Variants in COL7A1 observed in about 807,000 individuals in gnomAD.
COL7A1 encodes collagen type VII alpha 1 chain.
Under a neutral mutation model 456.2 loss-of-function variants are expected in COL7A1, and 296 were observed. The ratio of observed to expected loss-of-function variants is 0.65; its 90% CI spans 0.59 to 0.71. COL7A1 has a LOEUF of 0.71. Among genes scored for constraint, COL7A1 ranks in the 30% least tolerant of loss-of-function variants. The pLI, the probability that COL7A1 is intolerant of heterozygous loss-of-function variation, is 0.00. For synonymous variants in COL7A1, 1,464 were observed against 1,525.9 expected (o/e 0.96, Z 0.95); for missense variants, 3,441 against 4,017.2 (o/e 0.86, Z 3.88).
Position 48,587,457 on chromosome 3 carries a change from G to A in COL7A1, c.2955C>T (p.Tyr985=). Residue 985 remains tyrosine (Y), a synonymous_variant, in exon 23 of 119, where the codon TAC becomes TAT. Coordinates refer to ENST00000681320, the MANE Select transcript of COL7A1 (RefSeq NM_000094.4). The surrounding 1 kb of genome is among the most constrained non-coding windows in gnomAD (Gnocchi z 6.1). Reference sequence around the variant, plus strand: ...CTCTGAGTGGCCGCCAGGATAGGATGTAGCTGGATGCCCTGGACACTGGAG... The same window carrying A: ...CTCTGAGTGGCCGCCAGGATAGGATATAGCTGGATGCCCTGGACACTGGAG... The part of the protein sequence containing the change: ...AWTPVSRASS[Y]ILSWRPLRGP... The A allele has an allele frequency of 6.2e-7, 1 of 1,613,334 alleles. No individual in the cohort carries two copies. Among genetic ancestry groups the A allele is most frequent in the Non-Finnish European group, 8.5e-7 (1 of 1,180,032 alleles).
rs2043610550 is a variant in COL7A1, at chr3:48,566,474, C to A, written c.8358+36G>T. 1.2e-6 allele frequency: 2 copies of A among 1,613,150 alleles called. No individual in the cohort carries two copies. Among genetic ancestry groups the A allele is most frequent in the South Asian group, 2.2e-5 (2 of 91,064 alleles). On this transcript the variant is annotated intron_variant, in intron 113 of 118. Transcript: ENST00000681320. This position sits in a 1 kb window ranked among gnomAD's most constrained non-coding sequence, Gnocchi z 5.9. ...AGGGCCCCAGCCCACCCAGGCCCAC[C>A]CAGGCCCTCCCAGGCCCATCCAGGC... is the stretch of plus-strand genomic sequence containing the variant.
rs777547951 is a variant in COL7A1, at chr3:48,585,714, C to T, written c.3807G>A (p.Gly1269=). 11 of 1,613,882 alleles carry T rather than the reference C, an allele frequency of 6.8e-6. No individual in the cohort carries two copies. Among genetic ancestry groups the T allele is most frequent in the African/African-American group, 5.3e-5 (4 of 74,906 alleles). The change falls in exon 31 of 119, where the codon GGG becomes GGA. Residue 1269 remains glycine, a synonymous_variant. Coordinates refer to ENST00000681320, the MANE Select transcript of COL7A1 (RefSeq NM_000094.4). This position sits in a 1 kb window ranked among gnomAD's most constrained non-coding sequence, Gnocchi z 4.5. ...PGEMGLRGQV[G]PPGDPGLPGR... ...CCGGGAGGCCAGGGTCGCCAGGAGG[C>T]CCAACTTGTCCTCTCAGGCCCTAGG... is the stretch of plus-strand genomic sequence containing the variant.
In COL7A1 at chr3:48,564,330, A is replaced by G; in HGVS notation, c.*76T>C. 6.4e-7 allele frequency: 1 copy of G among 1,554,952 alleles called. No homozygotes were observed. Among genetic ancestry groups the G allele is most frequent in the Non-Finnish European group, 8.9e-7 (1 of 1,126,940 alleles). On this transcript the variant is annotated 3_prime_UTR_variant, in exon 119 of 119. Coordinates refer to ENST00000681320, the MANE Select transcript of COL7A1 (RefSeq NM_000094.4). This position sits in a 1 kb window ranked among gnomAD's most constrained non-coding sequence, Gnocchi z 6.0. ...ACGTGCACACAAGCCTCTAGCACCA[A>G]GGGGAGGGACAGTGGGGTTCTGCTG...
rs374756079 is a variant in COL7A1, at chr3:48,572,987, C to A, written c.6750+34G>T. On this transcript the variant is annotated intron_variant, in intron 86 of 118. Coordinates refer to ENST00000681320, the MANE Select transcript of COL7A1 (RefSeq NM_000094.4). The surrounding 1 kb of genome is among the most constrained non-coding windows in gnomAD (Gnocchi z 4.6). Reference sequence around the variant, plus strand: ...TCAGGGCTGCCTGTCGACCCTTGACCCCTGGAGCCCAACCCTTGACCCCCA... The same window carrying A: ...TCAGGGCTGCCTGTCGACCCTTGACACCTGGAGCCCAACCCTTGACCCCCA... The A allele has an allele frequency of 6.2e-7, 1 of 1,614,046 alleles. No homozygotes were observed. The highest frequency in any genetic ancestry group is 8.5e-7 in the Non-Finnish European group (1 of 1,180,018).
chr3:48,591,680 A>G lies in COL7A1; in HGVS notation c.1500T>C (p.Val500=), dbSNP rs760732148. 4.3e-6 allele frequency: 7 copies of G among 1,613,960 alleles called. No individual in the cohort carries two copies. The highest frequency in any genetic ancestry group is 5.9e-6 in the Non-Finnish European group (7 of 1,180,018). The change falls in exon 12 of 119, where the codon GTT becomes GTC. Residue 500 remains valine (V), a synonymous_variant. Coordinates refer to ENST00000681320, the MANE Select transcript of COL7A1 (RefSeq NM_000094.4). The surrounding 1 kb of genome is among the most constrained non-coding windows in gnomAD (Gnocchi z 7.0). ...GHEVATPATV[V]PTGPELPVSP... ...AGCCCACAGAGCCCTCACCAGTGGG[A>G]ACCACGGTTGCAGGGGTGGCCACCT...
chr3:48,570,387 A>T lies in COL7A1; in HGVS notation c.7381-53T>A. 1 of 1,613,952 alleles carries T rather than the reference A, an allele frequency of 6.2e-7. No homozygotes were observed. The highest frequency in any genetic ancestry group is 8.5e-7 in the Non-Finnish European group (1 of 1,179,890). On this transcript the variant is annotated intron_variant, in intron 97 of 118. Coordinates refer to ENST00000681320, the MANE Select transcript of COL7A1 (RefSeq NM_000094.4). This position sits in a 1 kb window ranked among gnomAD's most constrained non-coding sequence, Gnocchi z 5.5. ...AGTGAGGGGAATCAGTGGGGGACGCAGGGTCATGGGAGGTCAGTGGAGGCT... is the reference window on the plus strand; with the variant it reads ...AGTGAGGGGAATCAGTGGGGGACGCTGGGTCATGGGAGGTCAGTGGAGGCT...
Position 48,570,941 on chromosome 3 carries a change from C to A in COL7A1, c.7192G>T (p.Gly2398Cys), listed in dbSNP as rs755361003. The change falls in exon 95 of 119, where the codon GGT becomes TGT. Residue 2398 changes from glycine (G) to cysteine (C), a missense_variant. This residue lies in a region of COL7A1 where 2,084 missense variants were observed against 2,501.3 expected (regional missense o/e 0.83). Coordinates refer to ENST00000681320, the MANE Select transcript of COL7A1 (RefSeq NM_000094.4). The surrounding 1 kb of genome is among the most constrained non-coding windows in gnomAD (Gnocchi z 5.5). ...GGGAACCCAACAACACCAGGAGCAC[C>A]GGGCAGGCCAGGGAGGCCCAGATCT... is the stretch of plus-strand genomic sequence containing the variant. ...KGDLGLPGLP[G>C]APGVVGFPGQ... 6.2e-7 allele frequency: 1 copy of A among 1,613,660 alleles called. No individual in the cohort carries two copies. The highest frequency in any genetic ancestry group is 1.1e-5 in the South Asian group (1 of 91,002).
rs895425805 is a variant in COL7A1, at chr3:48,594,926, G to A, written c.85+149C>T. The A allele has an allele frequency of 1.0e-4, 75 of 721,418 alleles. No individual in the cohort carries two copies. The Middle Eastern group carries it at 3.1e-3, about 30-fold the overall frequency. The allele number at this position is 721,418 out of a possible 1,614,324, so 44.7% of individuals were successfully genotyped here. A position where few individuals can be genotyped will look rare whatever the true frequency, so the allele number is the denominator to read the frequency against. On this transcript the variant is annotated intron_variant, in intron 2 of 118. Coordinates refer to ENST00000681320, the MANE Select transcript of COL7A1 (RefSeq NM_000094.4). This position sits in a 1 kb window ranked among gnomAD's most constrained non-coding sequence, Gnocchi z 5.5. The stretch of plus-strand genomic sequence containing the variant: ...GGGAACCCAGCACCGATCGCGGAGG[G>A]TTCGGGGAGTCCCAGAATTAGGAGG...
Position 48,590,809 on chromosome 3 carries a change from C to T in COL7A1, c.1644G>A (p.Glu548=). The change falls in exon 14 of 119, where the codon GAG becomes GAA. Residue 548 remains glutamate (E), a synonymous_variant. Transcript: ENST00000681320. This position sits in a 1 kb window ranked among gnomAD's most constrained non-coding sequence, Gnocchi z 4.6. ...RIIVRSTQGV[E]RTLVLPGSQT... ...GACTCCCAGGAAGCACCAGGGTCCG[C>T]TCAACCCCTAAGAGAGAAGTCAGGG... 6.2e-7 allele frequency: 1 copy of T among 1,613,456 alleles called. No individual in the cohort carries two copies. The highest frequency in any genetic ancestry group is 8.5e-7 in the Non-Finnish European group (1 of 1,180,000).
At position 48,589,596 on chromosome 3, in the gene COL7A1, C is replaced by T. The variant is rs550092378; in HGVS notation, c.2170+3G>A. On this transcript the variant is annotated splice_donor_region_variant and intron_variant, in intron 17 of 118. Coordinates refer to ENST00000681320, the MANE Select transcript of COL7A1 (RefSeq NM_000094.4). Reference sequence around the variant, plus strand: ...CTGCCCCCTCCCAAACCCCAGTCCCCACCGTGGGCTGAGTGCCAGGAAACC... The same window carrying T: ...CTGCCCCCTCCCAAACCCCAGTCCCTACCGTGGGCTGAGTGCCAGGAAACC... The T allele has an allele frequency of 1.1e-5, 18 of 1,613,750 alleles. No homozygotes were observed. The African/African-American group carries it at 1.3e-4, about 12-fold the overall frequency.
chr3:48,569,797 G>C lies in COL7A1; in HGVS notation c.7522-37C>G. 1 of 1,614,070 alleles carries C rather than the reference G, an allele frequency of 6.2e-7. No individual in the cohort carries two copies. Among genetic ancestry groups the C allele is most frequent in the Non-Finnish European group, 8.5e-7 (1 of 1,179,986 alleles). On this transcript the variant is annotated intron_variant, in intron 100 of 118. Coordinates refer to ENST00000681320, the MANE Select transcript of COL7A1 (RefSeq NM_000094.4). This position sits in a 1 kb window ranked among gnomAD's most constrained non-coding sequence, Gnocchi z 4.9. ...AAGAGTGTGAGTCCCGCCCAAACTG[G>C]GGAGGCCCCGCACCTGAATTCTAAT...
Position 48,575,854 on chromosome 3 carries a change from C to G in COL7A1, c.5856+13G>C. On this transcript the variant is annotated intron_variant, in intron 72 of 118. Transcript: ENST00000681320. The surrounding 1 kb of genome is among the most constrained non-coding windows in gnomAD (Gnocchi z 6.3). ...CCCCACTTGTCCCTACCCCCAGCCCCTAAACAACCCACCTTGATGCCAGCA... is the reference window on the plus strand; with the variant it reads ...CCCCACTTGTCCCTACCCCCAGCCCGTAAACAACCCACCTTGATGCCAGCA... 3.7e-6 allele frequency: 6 copies of G among 1,614,158 alleles called. No homozygotes were observed. Among genetic ancestry groups the G allele is most frequent in the Non-Finnish European group, 5.1e-6 (6 of 1,180,022 alleles).
chr3:48,565,557 A>C lies in COL7A1; in HGVS notation c.8441-61T>G. ...TCACCATGGGCAGCCATCCCAGCCAACCCCCCTGAGAGGACCCCAGTTGAT... is the reference window on the plus strand; with the variant it reads ...TCACCATGGGCAGCCATCCCAGCCACCCCCCCTGAGAGGACCCCAGTTGAT... On this transcript the variant is annotated intron_variant, in intron 115 of 118. Coordinates refer to ENST00000681320, the MANE Select transcript of COL7A1 (RefSeq NM_000094.4). This position sits in a 1 kb window ranked among gnomAD's most constrained non-coding sequence, Gnocchi z 4.5. 1 of 1,613,370 alleles carries C rather than the reference A, an allele frequency of 6.2e-7. No homozygotes were observed. Among genetic ancestry groups the C allele is most frequent in the Non-Finnish European group, 8.5e-7 (1 of 1,179,654 alleles).
At chr3:48,589,843 C>T in intron 16 of COL7A1, 125 bp from the exon 17 acceptor site, 2 of 1,369,414 alleles carry the variant, frequency 1.5e-6, no homozygotes, top group Non-Finnish European at 2.1e-6. Context: ...GTGAATAGGT[C>T]CAGTGGAGGA....
rs1346563598 is a variant in COL7A1, at chr3:48,575,793, G to A, written c.5857-45C>T. 6.2e-7 allele frequency: 1 copy of A among 1,614,032 alleles called. No homozygotes were observed. The highest frequency in any genetic ancestry group is 8.5e-7 in the Non-Finnish European group (1 of 1,179,998). On this transcript the variant is annotated intron_variant, in intron 72 of 118. Coordinates refer to ENST00000681320, the MANE Select transcript of COL7A1 (RefSeq NM_000094.4). The surrounding 1 kb of genome is among the most constrained non-coding windows in gnomAD (Gnocchi z 6.3). The stretch of plus-strand genomic sequence containing the variant: ...CAGAGGAGCGGGGTGCGTCGCCGCA[G>A]CCCCTATGCCTGTGGGCACCACTAG...
chr3:48,565,311 G>A lies in COL7A1; in HGVS notation c.8527+99C>T. The stretch of plus-strand genomic sequence containing the variant: ...CAGTGCCCATGCGTGTGCCCTGCAT[G>A]CAGACCCTACGTGCTTGGCGTGTGC... On this transcript the variant is annotated intron_variant, in intron 116 of 118. Coordinates refer to ENST00000681320, the MANE Select transcript of COL7A1 (RefSeq NM_000094.4). This position sits in a 1 kb window ranked among gnomAD's most constrained non-coding sequence, Gnocchi z 4.5. 6.7e-7 allele frequency: 1 copy of A among 1,500,918 alleles called. No individual in the cohort carries two copies. Among genetic ancestry groups the A allele is most frequent in the Middle Eastern group, 2.0e-4 (1 of 5,046 alleles). 93.0% of individuals were successfully genotyped at this position (1,500,918 alleles called of 1,614,324 possible). A position where few individuals can be genotyped will look rare whatever the true frequency, so the allele number is the denominator to read the frequency against.
At chr3:48,582,087 G>A in intron 47 of COL7A1, 144 bp from the exon 48 acceptor site, 2 of 1,350,450 alleles carry the variant, frequency 1.5e-6, no homozygotes, top group East Asian at 2.3e-5. Flanking sequence ...CTGACAGCAG[G>A]GAAGGGGTTA....
At position 48,584,354 on chromosome 3, in the gene COL7A1, G is replaced by A. The variant is rs1470861661; in HGVS notation, c.4141C>T (p.Pro1381Ser). The A allele has an allele frequency of 1.9e-6, 3 of 1,613,294 alleles. No individual in the cohort carries two copies. The highest frequency in any genetic ancestry group is 2.5e-6 in the Non-Finnish European group (3 of 1,179,638). Reference protein sequence around the residue: ...GPSGPPGPRGPLGDPGPRGPP... With the variant: ...GPSGPPGPRGSLGDPGPRGPP... ...CCACGGGGTCCTGGGTCCCCCAGTG[G>A]TCCACGAGGTCCAGGGGGGCCCTGA... Residue 1381 changes from proline to serine, a missense_variant, in exon 37 of 119, where the codon CCA becomes TCA. Coordinates refer to ENST00000681320, the MANE Select transcript of COL7A1 (RefSeq NM_000094.4).
chr3:48,590,843 C>CAGAG lies in COL7A1; in HGVS notation c.1637-28_1637-27insCTCT, dbSNP rs762647546. Reference sequence around the variant, plus strand: ...TAAGAGAGAAGTCAGGGTAGGTGGGCAGGGGTCAGAAAGAGACAGGGATGT... The same window carrying CAGAG: ...TAAGAGAGAAGTCAGGGTAGGTGGGCAGAGAGGGGTCAGAAAGAGACAGGGATGT... On this transcript the variant is annotated intron_variant, in intron 13 of 118. Coordinates refer to ENST00000681320, the MANE Select transcript of COL7A1 (RefSeq NM_000094.4). The surrounding 1 kb of genome is among the most constrained non-coding windows in gnomAD (Gnocchi z 4.6). 1.2e-6 allele frequency: 2 copies of CAGAG among 1,607,854 alleles called. No individual in the cohort carries two copies. The highest frequency in any genetic ancestry group is 2.2e-5 in the South Asian group (2 of 91,016).
Sources: gnomAD v4.1 joint callset for allele counts on GRCh38, gnomAD v4.1.1 for gene constraint, gnomAD v4.1.1 regional missense constraint, Gnocchi (gnomAD v3.1) non-coding constraint, MANE v1.5 for transcripts, NCBI Gene and HGNC (gene_info 2026-07-23, HGNC 2026-07-21) for gene names.